KCNQ1: variants seen among roughly 807,000 people sequenced by gnomAD.
KCNQ1 encodes the protein potassium voltage-gated channel subfamily Q member 1.
Under a neutral mutation model 72.4 loss-of-function variants are expected in KCNQ1, and 49 were observed. The observed-to-expected ratio is 0.68, with a 90% confidence interval of 0.54 to 0.86. The LOEUF is 0.86. Among genes scored for constraint, KCNQ1 ranks in the 40% least tolerant of loss-of-function variants. KCNQ1 has a pLI of 0.00. For synonymous variants in KCNQ1, 450 were observed against 412.6 expected (o/e 1.09, Z -1.10); for missense variants, 790 against 945.1 (o/e 0.84, Z 2.15).
chr11:2,614,782 T>C, intron 10 of KCNQ1: 3 of 398,526 alleles, frequency 7.5e-6, no homozygotes, highest in Non-Finnish European at 1.3e-5. Context: ...ACCACATTGT[T>C]TTGATTACTG....
intron 2 of KCNQ1, among the ~76,000 whole-genome samples, chr11:2,546,430 T>C (rs1847903296): frequency 6.6e-6 from 1 of 152,106 alleles, no homozygotes; most frequent in Admixed American, 6.5e-5. Context: ...AGGACTGTTC[T>C]ATAAATGTCA....
rs1398199711 is a variant in KCNQ1, at chr11:2,813,593, C to T, written c.1795-34174C>T. On this transcript the variant is annotated intron_variant, in intron 15 of 15. Transcript: ENST00000155840. This position sits in a 1 kb window ranked among gnomAD's most constrained non-coding sequence, Gnocchi z 4.4. ...TGGAGTATGTCCTCTGTCGAGGGGGCAGGGACTCAAAGGATGAGAGAAGGA... is the reference window on the plus strand; with the variant it reads ...TGGAGTATGTCCTCTGTCGAGGGGGTAGGGACTCAAAGGATGAGAGAAGGA... 2.0e-5 allele frequency among the ~76,000 whole-genome samples: 3 copies of T among 152,060 alleles called. No individual in the cohort carries two copies. The highest frequency in any genetic ancestry group is 4.2e-4 in the South Asian group (2 of 4,816).
Position 2,493,727 on chromosome 11 carries a change from A to G in KCNQ1, c.387-34201A>G, listed in dbSNP as rs1466023338. ...TTTATATATCTGTCTTCATACCAGTACCATGCTGTTTTCGTTACTATAGCC... is the reference window on the plus strand; with the variant it reads ...TTTATATATCTGTCTTCATACCAGTGCCATGCTGTTTTCGTTACTATAGCC... On this transcript the variant is annotated intron_variant, in intron 1 of 15. Coordinates refer to ENST00000155840, the MANE Select transcript of KCNQ1 (RefSeq NM_000218.3). The surrounding 1 kb of genome is among the most constrained non-coding windows in gnomAD (Gnocchi z 5.3). Among the ~76,000 whole-genome samples, 1 of 152,172 alleles carries G rather than the reference A, an allele frequency of 6.6e-6. No homozygotes were observed. The highest frequency in any genetic ancestry group is 2.4e-5 in the African/African-American group (1 of 41,442).
intron 15 of KCNQ1, among the ~76,000 whole-genome samples, chr11:2,801,576 C>T (rs1392845249): frequency 1.3e-5 from 2 of 152,194 alleles, no homozygotes; most frequent in African/African-American, 4.8e-5. Context: ...TCCTATGGGA[C>T]CAAGGCCCTG....
At chr11:2,793,959 G>A (rs1847082117) in intron 15 of KCNQ1, among the ~76,000 whole-genome samples, 1 of 152,208 alleles carries the variant, frequency 6.6e-6, no homozygotes, top group Admixed American at 6.5e-5. Context: ...GTGAGGAGGA[G>A]GAGGGTGACA....
intron 15 of KCNQ1, among the ~76,000 whole-genome samples, chr11:2,795,720 C>A (rs1847115203): frequency 1.3e-5 from 2 of 152,260 alleles, no homozygotes; most frequent in South Asian, 4.1e-4. Context: ...TCTTCCCTGC[C>A]ATTTTGCAAG....
intron 1 of KCNQ1, among the ~76,000 whole-genome samples, chr11:2,449,282 C>T (rs944394005): frequency 1.3e-5 from 2 of 152,248 alleles, no homozygotes; most frequent in African/African-American, 4.8e-5. Context: ...GCAGCTTGAG[C>T]CTACAACCCT....
rs533317231 is a variant in KCNQ1, at chr11:2,817,564, C to T, written c.1795-30203C>T. On this transcript the variant is annotated intron_variant, in intron 15 of 15. Coordinates refer to ENST00000155840, the MANE Select transcript of KCNQ1 (RefSeq NM_000218.3). The surrounding 1 kb of genome is among the most constrained non-coding windows in gnomAD (Gnocchi z 6.1). ...TTTTGGTTCATGGTACCTGAGATGA[C>T]GGCTTCAGATGATGTCCCTGGCCAG... Among the ~76,000 whole-genome samples the T allele has an allele frequency of 4.8e-4, 73 of 152,224 alleles. No homozygotes were observed. The highest frequency in any genetic ancestry group is 1.9e-3 in the Admixed American group (29 of 15,304).
chr11:2,515,445 C>T lies in KCNQ1; in HGVS notation c.387-12483C>T, dbSNP rs1847272953. ...GGCGGGGAGGCCTGTCCACCCCTCC[C>T]ACCCGTCCCCGAGGCCCCTGCTGCC... is the stretch of plus-strand genomic sequence containing the variant. On this transcript the variant is annotated intron_variant, in intron 1 of 15. Transcript: ENST00000155840. The surrounding 1 kb of genome is among the most constrained non-coding windows in gnomAD (Gnocchi z 4.7). Among the ~76,000 whole-genome samples the T allele has an allele frequency of 6.7e-6, 1 of 149,056 alleles. No homozygotes were observed. Among genetic ancestry groups the T allele is most frequent in the Non-Finnish European group, 1.5e-5 (1 of 66,596 alleles).
chr11:2,771,894 G>A (rs988528078), intron 12 of KCNQ1, among the ~76,000 whole-genome samples: 1 of 152,166 alleles, frequency 6.6e-6, no homozygotes, highest in Non-Finnish European at 1.5e-5. Context: ...GACACAGGCC[G>A]GGACCCTGAG....
In KCNQ1 at chr11:2,542,307, C is replaced by T. The variant is rs567168647; in HGVS notation, c.477+14289C>T. Among the ~76,000 whole-genome samples the T allele has an allele frequency of 9.2e-5, 14 of 152,318 alleles. No homozygotes were observed. The South Asian group carries it at 2.5e-3, about 27-fold the overall frequency. ...TGGTGGACGATGCCTCCTCCCCTGG[C>T]GGGGGCGGGGAAGGAAGTGCTAGGG... On this transcript the variant is annotated intron_variant, in intron 2 of 15. Coordinates refer to ENST00000155840, the MANE Select transcript of KCNQ1 (RefSeq NM_000218.3).
At chr11:2,461,700 G>T (rs201090517) in intron 1 of KCNQ1, 9 of 1,367,146 alleles carry the variant, frequency 6.6e-6, no homozygotes, top group Non-Finnish European at 8.8e-6. Context: ...GAGCCAGTGC[G>T]GGGCCTGGCA....
chr11:2,477,880 G>A lies in KCNQ1; in HGVS notation c.386+32396G>A, dbSNP rs566903227. ...TGGAAGAAAGGAATCCAGTTCTCACGTTAGAATCAACAGGGCTGGAAGGCC... is the reference window on the plus strand; with the variant it reads ...TGGAAGAAAGGAATCCAGTTCTCACATTAGAATCAACAGGGCTGGAAGGCC... On this transcript the variant is annotated intron_variant, in intron 1 of 15. Transcript: ENST00000155840. This position sits in a 1 kb window ranked among gnomAD's most constrained non-coding sequence, Gnocchi z 5.0. Among the ~76,000 whole-genome samples the A allele has an allele frequency of 2.0e-5, 3 of 152,280 alleles. No homozygotes were observed. Among genetic ancestry groups the A allele is most frequent in the East Asian group, 1.9e-4 (1 of 5,190 alleles).
intron 11 of KCNQ1, among the ~76,000 whole-genome samples, chr11:2,701,163 A>G (rs1249809647): frequency 6.6e-6 from 1 of 152,224 alleles, no homozygotes; most frequent in African/African-American, 2.4e-5. Context: ...GCCTCTGCCG[A>G]AAATATACGT....
At position 2,704,136 on chromosome 11, in the gene KCNQ1, T is replaced by C. The variant is rs1323328599; in HGVS notation, c.1514+42055T>C. The stretch of plus-strand genomic sequence containing the variant: ...ATGCATTGGTCCACACACCCACCAC[T>C]GCAGCTGTCCTGGGTAAGGGCTCTG... On this transcript the variant is annotated intron_variant, in intron 11 of 15. Transcript: ENST00000155840. This position sits in a 1 kb window ranked among gnomAD's most constrained non-coding sequence, Gnocchi z 4.3. 1.3e-5 allele frequency among the ~76,000 whole-genome samples: 2 copies of C among 152,262 alleles called. No individual in the cohort carries two copies. The highest frequency in any genetic ancestry group is 4.8e-5 in the African/African-American group (2 of 41,482).
Position 2,541,566 on chromosome 11 carries a change from G to A in KCNQ1, c.477+13548G>A, listed in dbSNP as rs1038867388. On this transcript the variant is annotated intron_variant, in intron 2 of 15. Coordinates refer to ENST00000155840, the MANE Select transcript of KCNQ1 (RefSeq NM_000218.3). This position sits in a 1 kb window ranked among gnomAD's most constrained non-coding sequence, Gnocchi z 4.8. ...GGTGGCTATGAAAGCCTGGGATTGA[G>A]GACAAAGCCATGGGGACGCCGTTTT... Among the ~76,000 whole-genome samples, 2 of 151,956 alleles carry A rather than the reference G, an allele frequency of 1.3e-5. No homozygotes were observed. The highest frequency in any genetic ancestry group is 4.8e-5 in the African/African-American group (2 of 41,372).
In KCNQ1 at chr11:2,682,917, A is replaced by G; in HGVS notation, c.1514+20836A>G. ...CCAGACAGAAAATGGTGGCACCTGGAGAGGTGCTCAGGTCTGTGTGGAAGA... is the reference window on the plus strand; with the variant it reads ...CCAGACAGAAAATGGTGGCACCTGGGGAGGTGCTCAGGTCTGTGTGGAAGA... On this transcript the variant is annotated intron_variant, in intron 11 of 15. Transcript: ENST00000155840. The surrounding 1 kb of genome is among the most constrained non-coding windows in gnomAD (Gnocchi z 5.8). 2.5e-6 allele frequency: 1 copy of G among 398,588 alleles called. No individual in the cohort carries two copies. The highest frequency in any genetic ancestry group is 4.4e-6 in the Non-Finnish European group (1 of 226,088). The allele number at this position is 398,588 out of a possible 1,614,324, so 24.7% of individuals were successfully genotyped here.
chr11:2,663,538 G>T lies in KCNQ1; in HGVS notation c.1514+1457G>T, dbSNP rs1198656671. 2 of 398,490 alleles carry T rather than the reference G, an allele frequency of 5.0e-6. No individual in the cohort carries two copies. The allele number at this position is 398,490 out of a possible 1,614,324, so 24.7% of individuals were successfully genotyped here. A position where few individuals can be genotyped will look rare whatever the true frequency, so the allele number is the denominator to read the frequency against. ...CTCTTGGCTGTCCCCTCAGAGAGGGGACTGTCCCTTCTCATCCTTCTGGCT... is the reference window on the plus strand; with the variant it reads ...CTCTTGGCTGTCCCCTCAGAGAGGGTACTGTCCCTTCTCATCCTTCTGGCT... On this transcript the variant is annotated intron_variant, in intron 11 of 15. Transcript: ENST00000155840. This position sits in a 1 kb window ranked among gnomAD's most constrained non-coding sequence, Gnocchi z 5.2.
In KCNQ1 at chr11:2,670,619, C is replaced by A. The variant is rs890971770; in HGVS notation, c.1514+8538C>A. On this transcript the variant is annotated intron_variant, in intron 11 of 15. Coordinates refer to ENST00000155840, the MANE Select transcript of KCNQ1 (RefSeq NM_000218.3). This position sits in a 1 kb window ranked among gnomAD's most constrained non-coding sequence, Gnocchi z 4.9. ...CCCAGACACACAATCTCTGGGGGAGCCTGGATATGCATGGCAGAGGCCAGG... is the reference window on the plus strand; with the variant it reads ...CCCAGACACACAATCTCTGGGGGAGACTGGATATGCATGGCAGAGGCCAGG... 5.0e-6 allele frequency: 2 copies of A among 398,296 alleles called. No homozygotes were observed. Among genetic ancestry groups the A allele is most frequent in the African/African-American group, 4.1e-5 (2 of 48,596 alleles). 24.7% of individuals were successfully genotyped at this position (398,296 alleles called of 1,614,324 possible). A position where few individuals can be genotyped will look rare whatever the true frequency, so the allele number is the denominator to read the frequency against.
Sources: allele counts gnomAD v4.1 joint callset (sites outside exome capture counted in the v4.1 genomes callset), GRCh38; gene constraint gnomAD v4.1.1; non-coding constraint Gnocchi (gnomAD v3.1); transcripts MANE v1.5; gene names NCBI Gene and HGNC (gene_info 2026-07-23, HGNC 2026-07-21).